IL1RAPL1: variants seen among roughly 807,000 people sequenced by gnomAD.
The protein encoded by IL1RAPL1 is interleukin-1 receptor accessory protein-like 1.
Under a neutral mutation model 48.4 loss-of-function variants are expected in IL1RAPL1, and 3 were observed. The observed-to-expected ratio is 0.06, with a 90% CI of 0.03 to 0.16. IL1RAPL1 has a LOEUF of 0.16. Among genes scored for constraint, IL1RAPL1 ranks in the 10% least tolerant of loss-of-function variants. The probability of loss-of-function intolerance (pLI) is 1.00; values close to 1 mark genes in which losing one functional copy is unlikely to be tolerated. For synonymous variants in IL1RAPL1, 185 were observed against 187.7 expected (o/e 0.99, Z 0.12); for missense variants, 349 against 530.6 (o/e 0.66, Z 3.36).
chrX:29,108,487 C>T (rs1454380696), intron 2 of IL1RAPL1, among the ~76,000 whole-genome samples: 2 of 110,992 alleles, frequency 1.8e-5, no homozygotes, highest in African/African-American at 3.3e-5. Flanking sequence ...CTGCAACCTC[C>T]GCCTCCCAGG....
At chrX:29,173,685 C>T (rs1445963249) in intron 2 of IL1RAPL1, among the ~76,000 whole-genome samples, 1 of 111,426 alleles carries the variant, frequency 9.0e-6, no homozygotes, top group African/African-American at 3.3e-5. Context: ...TCAGAATTAG[C>T]ATGGCATATG....
At chrX:29,516,091 A>G (rs767512874) in intron 5 of IL1RAPL1, among the ~76,000 whole-genome samples, 1 of 112,122 alleles carries the variant, frequency 8.9e-6, no homozygotes, top group Non-Finnish European at 1.9e-5. Flanking sequence ...TTAATTCTAC[A>G]GTATTTGCAA....
At chrX:29,344,835 A>G (rs1933129932) in intron 3 of IL1RAPL1, among the ~76,000 whole-genome samples, 1 of 111,835 alleles carries the variant, frequency 8.9e-6, no homozygotes, top group South Asian at 3.7e-4. Flanking sequence ...GCAGGGTTTC[A>G]CCATATCGGC....
chrX:29,218,181 A>G (rs1930912606), intron 2 of IL1RAPL1, among the ~76,000 whole-genome samples: 3 of 111,921 alleles, frequency 2.7e-5, no homozygotes, highest in South Asian at 3.7e-4. Flanking sequence ...CTATTGTCCA[A>G]TGAAACTGCT....
At chrX:29,035,525 T>A (rs763047548) in intron 2 of IL1RAPL1, among the ~76,000 whole-genome samples, 1 of 111,258 alleles carries the variant, frequency 9.0e-6, no homozygotes, top group South Asian at 3.8e-4. Flanking sequence ...GGGTTAAAAA[T>A]GTTAATGTAG....
chrX:29,101,808 A>G (rs1035009861), intron 2 of IL1RAPL1, among the ~76,000 whole-genome samples: 11 of 111,005 alleles, frequency 9.9e-5, no homozygotes, highest in Non-Finnish European at 1.7e-4. Context: ...ATGGTGGCGG[A>G]CACCTGTAAT....
At chrX:29,930,414 G>A (rs182956853) in intron 8 of IL1RAPL1, among the ~76,000 whole-genome samples, 12 of 111,668 alleles carry the variant, frequency 1.1e-4, no homozygotes, top group African/African-American at 3.9e-4. Flanking sequence ...AGAATAAAAG[G>A]CAAAATATAA....
intron 6 of IL1RAPL1, among the ~76,000 whole-genome samples, chrX:29,684,623 T>C (rs1926565286): frequency 8.9e-6 from 1 of 112,008 alleles, no homozygotes; most frequent in South Asian, 3.7e-4. Context: ...TTTGTACTTC[T>C]GCTCTTTCAA....
chrX:28,966,389 G>C (rs1924920091), intron 2 of IL1RAPL1, among the ~76,000 whole-genome samples: 1 of 111,923 alleles, frequency 8.9e-6, no homozygotes, highest in African/African-American at 3.2e-5. Context: ...CTACAACAGG[G>C]AAGAAGGGTG....
rs138686377 is a variant in IL1RAPL1, at chrX:28,982,138, T to C, written c.82+192713T>C. Among the ~76,000 whole-genome samples, 611 of 112,331 alleles carry C rather than the reference T, an allele frequency of 5.4e-3. 4 individuals carry two copies. The highest frequency in any genetic ancestry group is 0.019 in the African/African-American group (574 of 30,940). ...TGATGAGAGAGCAAGGTGTCTGTTTTCTCTTTCAGTTTCATTGTTCTAAAG... is the reference window on the plus strand; with the variant it reads ...TGATGAGAGAGCAAGGTGTCTGTTTCCTCTTTCAGTTTCATTGTTCTAAAG... On this transcript the variant is annotated intron_variant, in intron 2 of 10. Transcript: ENST00000378993.
chrX:28,600,851 C>T (rs1227775540), intron 1 of IL1RAPL1, among the ~76,000 whole-genome samples: 1 of 111,966 alleles, frequency 8.9e-6, no homozygotes, highest in African/African-American at 3.3e-5. Context: ...TCATATAACA[C>T]TATTCACTTT....
At chrX:29,803,461 A>G (rs758729288) in intron 6 of IL1RAPL1, among the ~76,000 whole-genome samples, 20 of 91,039 alleles carry the variant, frequency 2.2e-4, no homozygotes, top group East Asian at 9.7e-4. Flanking sequence ...GTGTGTATAT[A>G]TGTATATATG....
chrX:29,235,476 G>T (rs1463166888), intron 2 of IL1RAPL1, among the ~76,000 whole-genome samples: 1 of 109,628 alleles, frequency 9.1e-6, no homozygotes. Context: ...GCTATATTTA[G>T]GTAAGTTACC....
At chrX:29,918,796 A>C (rs1180176916) in intron 7 of IL1RAPL1, among the ~76,000 whole-genome samples, 2 of 112,341 alleles carry the variant, frequency 1.8e-5, no homozygotes, top group African/African-American at 3.2e-5. Context: ...TTATTCATTT[A>C]AGTATCAATT....
chrX:29,123,903 G>A (rs1928848234), intron 2 of IL1RAPL1, among the ~76,000 whole-genome samples: 1 of 110,316 alleles, frequency 9.1e-6, no homozygotes, highest in African/African-American at 3.3e-5. Context: ...TAATATTTTA[G>A]ATAGATTGTG....
intron 6 of IL1RAPL1, among the ~76,000 whole-genome samples, chrX:29,690,541 A>G: frequency 9.0e-6 from 1 of 111,605 alleles, no homozygotes; most frequent in Middle Eastern, 4.7e-3. Context: ...TTGAATTACT[A>G]GAGTTTAGGT....
In IL1RAPL1 at chrX:29,156,309, G is replaced by T. The variant is rs755234791; in HGVS notation, c.83-126629G>T. Among the ~76,000 whole-genome samples the T allele has an allele frequency of 3.4e-4, 38 of 112,060 alleles. No homozygotes were observed. The Middle Eastern group carries it at 0.014, about 41-fold the overall frequency. On this transcript the variant is annotated intron_variant, in intron 2 of 10. Transcript: ENST00000378993. ...CGAGTGGAGATACTGTGGTAAATGA[G>T]ATGGAAGGAGAAGATGGTAACTGGG...
intron 1 of IL1RAPL1, among the ~76,000 whole-genome samples, chrX:28,728,043 A>G (rs1935702867): frequency 9.0e-6 from 1 of 111,130 alleles, no homozygotes; most frequent in African/African-American, 3.3e-5. Context: ...CACAATGTGC[A>G]CATGTACCCT....
rs553604110 is a variant in IL1RAPL1, at chrX:29,553,245, A to G, written c.704-115185A>G. On this transcript the variant is annotated intron_variant, in intron 5 of 10. Transcript: ENST00000378993. ...CTTTAGTGTTAGGATTTATGTTAAT[A>G]TGGCTAGGAGTTGGGCTGTATTTAA... 8.8e-4 allele frequency among the ~76,000 whole-genome samples: 98 copies of G among 111,730 alleles called. 2 individuals are homozygous for G. The South Asian group carries it at 0.036, about 41-fold the overall frequency.
Sources: gnomAD v4.1 joint callset for allele counts (sites outside exome capture counted in the v4.1 genomes callset) on GRCh38, gnomAD v4.1.1 for gene constraint, MANE v1.5 for transcripts, NCBI Gene and HGNC (gene_info 2026-07-23, HGNC 2026-07-21) for gene names.